NTMT2: variants seen among roughly 807,000 people sequenced by gnomAD.
The protein encoded by NTMT2 is X-Pro-Lys N-terminal protein methyltransferase 1B.
NTMT2 carries 21 observed loss-of-function variants against 23.4 expected under a neutral mutation model. The observed-to-expected ratio is 0.90, with a 90% CI of 0.64 to 1.29. NTMT2 has a LOEUF of 1.29. Among genes scored for constraint, NTMT2 ranks in the 50% most tolerant of loss-of-function variants. NTMT2 has a pLI of 0.00. For synonymous variants in NTMT2, 131 were observed against 127.7 expected, an observed-to-expected ratio of 1.03 and a Z score of -0.17; for missense variants, 336 against 352.0, an observed-to-expected ratio of 0.95 and a Z score of 0.36.
At chr1:170,157,395 G>A (rs904534922) in intron 1 of NTMT2, among the ~76,000 whole-genome samples, 1 of 151,934 alleles carries the variant, frequency 6.6e-6, no homozygotes, top group African/African-American at 2.4e-5. Flanking sequence ...AATAATATTG[G>A]TGGCCTCCAG....
rs1035882024 is a variant in NTMT2 at position 170,147,062 on chromosome 1, T to C, written c.154+801T>C. 1.1e-4 allele frequency among the ~76,000 whole-genome samples: 17 copies of C among 152,308 alleles called. No homozygotes were observed. The East Asian group carries it at 3.1e-3, about 28-fold the overall frequency. On this transcript the variant is annotated intron_variant, in intron 1 of 3. Transcript: ENST00000439373. ...GAAGGCTGTGTATCAGCCTAGTCTG[T>C]TTTCTTAAGGTCGTTTGAAAGCCCC...
rs183298319 is a variant in NTMT2, at chr1:170,160,203, A to G, written c.155-315A>G. Among the ~76,000 whole-genome samples, 8 of 152,352 alleles carry G rather than the reference A, an allele frequency of 5.3e-5. No homozygotes were observed. In the East Asian group the frequency reaches 9.6e-4, roughly 18 times the overall value. On this transcript the variant is annotated intron_variant, in intron 1 of 3. Transcript: ENST00000439373. ...CATTCTTTACATTATTGTAGCTAACACTGTTAAAAATTTTAATACAGTGAT... is the reference window on the plus strand; with the variant it reads ...CATTCTTTACATTATTGTAGCTAACGCTGTTAAAAATTTTAATACAGTGAT...
chr1:170,163,294 A>C (rs941640810), intron 2 of NTMT2, among the ~76,000 whole-genome samples: 5 of 152,238 alleles, frequency 3.3e-5, no homozygotes, highest in Non-Finnish European at 5.9e-5. Context: ...CTAGATTAGT[A>C]TTCAGGTCAA....
chr1:170,149,669 C>T (rs1027172297), intron 1 of NTMT2, among the ~76,000 whole-genome samples: 1 of 152,198 alleles, frequency 6.6e-6, no homozygotes, highest in Non-Finnish European at 1.5e-5. Context: ...TACTAGAAAA[C>T]TAACCTCTGC....
At chr1:170,166,352 A>T (rs1673385576) in intron 2 of NTMT2, 150 bp from the exon 3 acceptor site, 1 of 677,132 alleles carries the variant, frequency 1.5e-6, no homozygotes, top group Non-Finnish European at 2.4e-6. Flanking sequence ...CGTGTTAGCC[A>T]GGATGGTCTC....
chr1:170,165,705 C>A (rs1673365424), intron 2 of NTMT2, among the ~76,000 whole-genome samples: 1 of 152,162 alleles, frequency 6.6e-6, no homozygotes, highest in South Asian at 2.1e-4. Context: ...AAGGTTCTCA[C>A]TGTTTGGTTC....
chr1:170,165,239 G>T (rs1673356586), intron 2 of NTMT2, among the ~76,000 whole-genome samples: 1 of 152,110 alleles, frequency 6.6e-6, no homozygotes, highest in Non-Finnish European at 1.5e-5. Context: ...AATCAGAAAA[G>T]TTTTTTAAAT....
intron 2 of NTMT2, among the ~76,000 whole-genome samples, chr1:170,162,515 G>C (rs935651087): frequency 6.6e-6 from 1 of 152,186 alleles, no homozygotes; most frequent in Non-Finnish European, 1.5e-5. Context: ...TGAAGACTGT[G>C]GATATTTATA....
In NTMT2 at chr1:170,167,829, C is replaced by T; in HGVS notation, c.*72C>T. The T allele has an allele frequency of 6.9e-7, 1 of 1,453,074 alleles. No individual in the cohort carries two copies. The highest frequency in any genetic ancestry group is 1.4e-5 in the South Asian group (1 of 70,524). 90.0% of individuals were successfully genotyped at this position (1,453,074 alleles called of 1,614,324 possible). On this transcript the variant is annotated 3_prime_UTR_variant, in exon 4 of 4. Coordinates refer to ENST00000439373, the MANE Select transcript of NTMT2 (RefSeq NM_001136107.2). The stretch of plus-strand genomic sequence containing the variant: ...ATGGGGTTGCTATCCTTCCAGGTGC[C>T]CCTTGTAATGCAGATAGGGATGGCA...
chr1:170,161,329 G>A (rs936654975), intron 2 of NTMT2, among the ~76,000 whole-genome samples: 11 of 151,736 alleles, frequency 7.2e-5, no homozygotes, highest in Admixed American at 5.2e-4. Context: ...GGAAATACAT[G>A]ATTATGTTCA....
chr1:170,165,088 C>T (rs1673354028), intron 2 of NTMT2, among the ~76,000 whole-genome samples: 1 of 151,824 alleles, frequency 6.6e-6, no homozygotes, highest in Admixed American at 6.6e-5. Context: ...TTCTTAGTTC[C>T]TGAGAAATCA....
chr1:170,166,721 T>C lies in NTMT2; in HGVS notation c.550T>C (p.Tyr184His), dbSNP rs1673399773. 2 of 1,552,180 alleles carry C rather than the reference T, an allele frequency of 1.3e-6. No individual in the cohort carries two copies. The highest frequency in any genetic ancestry group is 8.7e-7 in the Non-Finnish European group (1 of 1,147,114). ...LQEFTPPFRR[Y>H]DVIWIQWVSG... The stretch of plus-strand genomic sequence containing the variant: ...GGAATTCACACCCCCCTTCAGGAGA[T>C]ATGATGTCATCTGGATTCAGTGGGT... Residue 184 changes from tyrosine (Y) to histidine (H), a missense_variant, in exon 3 of 4, where the codon TAT becomes CAT. Transcript: ENST00000439373.
chr1:170,167,869 A>G lies in NTMT2; in HGVS notation c.*112A>G. ...TAGGGATGGCAAGAAAAGGGATACA[A>G]CATATGTCTGCAAATTATTTGTGAT... On this transcript the variant is annotated 3_prime_UTR_variant, in exon 4 of 4. Coordinates refer to ENST00000439373, the MANE Select transcript of NTMT2 (RefSeq NM_001136107.2). 8.7e-7 allele frequency: 1 copy of G among 1,146,824 alleles called. No homozygotes were observed. Among genetic ancestry groups the G allele is most frequent in the Non-Finnish European group, 1.2e-6 (1 of 829,232 alleles). The allele number at this position is 1,146,824 out of a possible 1,614,324, so 71.0% of individuals were successfully genotyped here. A position where few individuals can be genotyped will look rare whatever the true frequency, so the allele number is the denominator to read the frequency against.
intron 1 of NTMT2, among the ~76,000 whole-genome samples, chr1:170,154,627 G>T (rs1246633226): frequency 6.6e-6 from 1 of 152,144 alleles, no homozygotes; most frequent in Non-Finnish European, 1.5e-5. Context: ...CCCAATACCT[G>T]TATCCCCATT....
chr1:170,151,323 A>C (rs1673064922), intron 1 of NTMT2: 1 of 154,314 alleles, frequency 6.5e-6, no homozygotes, highest in Admixed American at 6.5e-5. Context: ...GGCACATAGG[A>C]GGTATCCTCT....
At chr1:170,156,963 G>A (rs1673175917) in intron 1 of NTMT2, among the ~76,000 whole-genome samples, 1 of 152,090 alleles carries the variant, frequency 6.6e-6, no homozygotes, top group Admixed American at 6.6e-5. Context: ...TGCTGCTTTG[G>A]TTGGATCAAG....
chr1:170,166,817 G>A, intron 3 of NTMT2, 66 bp downstream of exon 3: 3 of 1,511,954 alleles, frequency 2.0e-6, no homozygotes, highest in Non-Finnish European at 1.8e-6. Flanking sequence ...AGTCCTTGGG[G>A]CTAATGAGGG....
intron 2 of NTMT2, among the ~76,000 whole-genome samples, chr1:170,163,086 C>T (rs967058461): frequency 5.3e-5 from 8 of 152,058 alleles, no homozygotes; most frequent in South Asian, 2.1e-4. Flanking sequence ...CCCATAAGCA[C>T]GCCCACAGAC....
intron 1 of NTMT2, among the ~76,000 whole-genome samples, chr1:170,154,090 G>GCATC (rs1229003603): frequency 6.6e-6 from 1 of 152,180 alleles, no homozygotes; most frequent in African/African-American, 2.4e-5. Context: ...TACAGCTGAG[G>GCATC]CATCTGCTCT....
Sources: allele counts gnomAD v4.1 joint callset (sites outside exome capture counted in the v4.1 genomes callset), GRCh38; gene constraint gnomAD v4.1.1; transcripts MANE v1.5; gene names NCBI Gene and HGNC (gene_info 2026-07-23, HGNC 2026-07-21).